Variants in GDF11 observed in about 807,000 individuals in gnomAD.
GDF11 encodes growth/differentiation factor 11.
A neutral mutation model predicts 34.4 loss-of-function variants in GDF11; 12 were observed. The ratio of observed to expected loss-of-function variants is 0.35; its 90% CI spans 0.22 to 0.57. The LOEUF (loss-of-function observed/expected upper bound fraction) is 0.57. Among genes scored for constraint, GDF11 ranks in the 20% least tolerant of loss-of-function variants. The probability of loss-of-function intolerance (pLI) is 0.86; values close to 1 mark genes in which losing one functional copy is unlikely to be tolerated. For synonymous variants in GDF11, 212 were observed against 231.1 expected, an observed-to-expected ratio of 0.92 and a Z score of 0.75; for missense variants, 346 against 548.2, an observed-to-expected ratio of 0.63 and a Z score of 3.68.
rs1177152691 is a variant in GDF11 at position 55,754,652 on chromosome 12, C to T, written c.*4770C>T. On this transcript the variant is annotated 3_prime_UTR_variant, in exon 3 of 3. Coordinates refer to ENST00000257868, the MANE Select transcript of GDF11 (RefSeq NM_005811.5). Reference sequence around the variant, plus strand: ...ACTCAGGGAAAGAAATATGTATTTCCACAGTACCCTGATCACCCAGTAAAA... The same window carrying T: ...ACTCAGGGAAAGAAATATGTATTTCTACAGTACCCTGATCACCCAGTAAAA... 6.6e-6 allele frequency: 1 copy of T among 152,206 alleles called. No individual in the cohort carries two copies. Among genetic ancestry groups the T allele is most frequent in the Non-Finnish European group, 1.5e-5 (1 of 68,044 alleles). 9.4% of individuals were successfully genotyped at this position (152,206 alleles called of 1,614,324 possible). A position where few individuals can be genotyped will look rare whatever the true frequency, so the allele number is the denominator to read the frequency against.
Position 55,751,945 on chromosome 12 carries a change from G to A in GDF11, c.*2063G>A, listed in dbSNP as rs1203051266. ...GGTATGTGACCACCCTTGAGAAGGT[G>A]ATGTTGGTGAGCTTTAACATCTTAT... On this transcript the variant is annotated 3_prime_UTR_variant, in exon 3 of 3. Transcript: ENST00000257868. The A allele has an allele frequency of 6.6e-6, 1 of 152,238 alleles. No individual in the cohort carries two copies. Among genetic ancestry groups the A allele is most frequent in the Non-Finnish European group, 1.5e-5 (1 of 68,052 alleles). 9.4% of individuals were successfully genotyped at this position (152,238 alleles called of 1,614,324 possible).
Position 55,755,787 on chromosome 12 carries a change from A to G in GDF11, c.*5905A>G, listed in dbSNP as rs1446040329. 1 of 126,554 alleles carries G rather than the reference A, an allele frequency of 7.9e-6. No homozygotes were observed. The highest frequency in any genetic ancestry group is 2.0e-4 in the East Asian group (1 of 5,066). 7.8% of individuals were successfully genotyped at this position (126,554 alleles called of 1,614,324 possible). A position where few individuals can be genotyped will look rare whatever the true frequency, so the allele number is the denominator to read the frequency against. On this transcript the variant is annotated 3_prime_UTR_variant, in exon 3 of 3. Coordinates refer to ENST00000257868, the MANE Select transcript of GDF11 (RefSeq NM_005811.5). Reference sequence around the variant, plus strand: ...TGCTGAAATGGGATGAAAGAGGTTAATAAGAAAAAAAAAAAAATCCTCACA... The same window carrying G: ...TGCTGAAATGGGATGAAAGAGGTTAGTAAGAAAAAAAAAAAAATCCTCACA...
intron 1 of GDF11, among the ~76,000 whole-genome samples, chr12:55,744,435 C>G (rs1592542577): frequency 6.6e-6 from 1 of 152,164 alleles, no homozygotes; most frequent in South Asian, 2.1e-4. Context: ...TCATTGGCTA[C>G]TCAAACCTTA....
chr12:55,745,086 A>G (rs1878152278), intron 1 of GDF11, among the ~76,000 whole-genome samples: 1 of 152,036 alleles, frequency 6.6e-6, no homozygotes, highest in Admixed American at 6.5e-5. Context: ...TTTCCCTTCT[A>G]TTCTTAAGCC....
Position 55,749,558 on chromosome 12 carries a change from G to T in GDF11, c.900G>T (p.Leu300=). The T allele has an allele frequency of 6.2e-7, 1 of 1,613,774 alleles. No homozygotes were observed. Among genetic ancestry groups the T allele is most frequent in the South Asian group, 1.1e-5 (1 of 91,074 alleles). ...ACACAAAACGTTCCCGGCGGAACCT[G>T]GGTCTGGACTGCGACGAGCACTCAA... ...LENTKRSRRN[L]GLDCDEHSSE... is the part of the protein sequence containing the mutation. Residue 300 remains leucine (L), a synonymous_variant, in exon 3 of 3, where the codon CTG becomes CTT. Transcript: ENST00000257868. This position sits in a 1 kb window ranked among gnomAD's most constrained non-coding sequence, Gnocchi z 5.6.
chr12:55,747,427 C>T (rs1252821237), intron 1 of GDF11, among the ~76,000 whole-genome samples: 4 of 152,184 alleles, frequency 2.6e-5, no homozygotes, highest in Non-Finnish European at 5.9e-5. Context: ...ACCCTAAGTC[C>T]ATCCTGATTT....
At position 55,743,249 on chromosome 12, in the gene GDF11, C is replaced by A; in HGVS notation, c.-68C>A. 2.1e-6 allele frequency: 1 copy of A among 476,968 alleles called. No homozygotes were observed. The highest frequency in any genetic ancestry group is 2.7e-6 in the Non-Finnish European group (1 of 368,314). 29.5% of individuals were successfully genotyped at this position (476,968 alleles called of 1,614,324 possible). A position where few individuals can be genotyped will look rare whatever the true frequency, so the allele number is the denominator to read the frequency against. On this transcript the variant is annotated 5_prime_UTR_variant, in exon 1 of 3. Coordinates refer to ENST00000257868, the MANE Select transcript of GDF11 (RefSeq NM_005811.5). ...GACCCCCTCCTCCTCCCTCCCTCCT[C>A]CCTCCGCCCCCTCCCCGCGGGACTC...
chr12:55,753,838 T>G lies in GDF11; in HGVS notation c.*3956T>G, dbSNP rs1487122026. 1.3e-5 allele frequency: 2 copies of G among 150,658 alleles called. No homozygotes were observed. Among genetic ancestry groups the G allele is most frequent in the Non-Finnish European group, 2.9e-5 (2 of 67,920 alleles). 9.3% of individuals were successfully genotyped at this position (150,658 alleles called of 1,614,324 possible). ...GGTGTGCTCCTGTAGTTCCAGCTAT[T>G]CAGGAGGCTGTGGCAGGAGGACCAC... On this transcript the variant is annotated 3_prime_UTR_variant, in exon 3 of 3. Coordinates refer to ENST00000257868, the MANE Select transcript of GDF11 (RefSeq NM_005811.5).
At chr12:55,745,375 A>T (rs941300096) in intron 1 of GDF11, among the ~76,000 whole-genome samples, 2 of 152,048 alleles carry the variant, frequency 1.3e-5, no homozygotes, top group African/African-American at 4.8e-5. Context: ...TAATGGGGAT[A>T]CACGAAGTGA....
chr12:55,747,479 C>G (rs567418992), intron 1 of GDF11, among the ~76,000 whole-genome samples: 2 of 152,306 alleles, frequency 1.3e-5, no homozygotes, highest in Admixed American at 1.3e-4. Flanking sequence ...AAGGCCTAGA[C>G]TTCCTAACCC....
rs1878230763 is a variant in GDF11, at chr12:55,748,502, G to A, written c.446-84G>A. ...AAGAACTGGAAAATCAGGCTGAGAA[G>A]TCCAAAATTGCCAGTGCCACCCAGG... On this transcript the variant is annotated intron_variant, in intron 1 of 2. Transcript: ENST00000257868. This position sits in a 1 kb window ranked among gnomAD's most constrained non-coding sequence, Gnocchi z 5.6. The A allele has an allele frequency of 6.2e-6, 8 of 1,286,574 alleles. No individual in the cohort carries two copies. The highest frequency in any genetic ancestry group is 8.6e-6 in the Non-Finnish European group (8 of 931,458). 79.7% of individuals were successfully genotyped at this position (1,286,574 alleles called of 1,614,324 possible). A position where few individuals can be genotyped will look rare whatever the true frequency, so the allele number is the denominator to read the frequency against.
At chr12:55,744,698 G>A (rs895305073) in intron 1 of GDF11, among the ~76,000 whole-genome samples, 3 of 148,284 alleles carry the variant, frequency 2.0e-5, no homozygotes, top group Non-Finnish European at 4.5e-5. Flanking sequence ...CCCCCACTGA[G>A]GTCTCCCCCC....
intron 1 of GDF11, among the ~76,000 whole-genome samples, chr12:55,746,527 TCTCC>T (rs1025762582): frequency 6.6e-6 from 1 of 152,206 alleles, no homozygotes; most frequent in African/African-American, 2.4e-5. Context: ...CTCTTTTCTT[TCTCC>T]CTATGTTCTA....
At position 55,749,045 on chromosome 12, in the gene GDF11, T is replaced by C. The variant is rs560416782; in HGVS notation, c.843+62T>C. On this transcript the variant is annotated intron_variant, in intron 2 of 2. Coordinates refer to ENST00000257868, the MANE Select transcript of GDF11 (RefSeq NM_005811.5). This position sits in a 1 kb window ranked among gnomAD's most constrained non-coding sequence, Gnocchi z 5.6. ...CTGGCCCTGAGGAGATAGGGTTACA[T>C]TGGAAAAGGTAGACAAGGAATGTGA... The C allele has an allele frequency of 4.1e-6, 6 of 1,450,230 alleles. No individual in the cohort carries two copies. In the South Asian group the frequency reaches 5.4e-5, roughly 13 times the overall value. 89.8% of individuals were successfully genotyped at this position (1,450,230 alleles called of 1,614,324 possible). A position where few individuals can be genotyped will look rare whatever the true frequency, so the allele number is the denominator to read the frequency against.
chr12:55,743,800 T>C, intron 1 of GDF11, 39 bp downstream of exon 1: 2 of 1,452,742 alleles, frequency 1.4e-6, no homozygotes, highest in Non-Finnish European at 9.2e-7. Flanking sequence ...GGGTGCTGGC[T>C]CTGGCCCCGC....
rs1878311876 is a variant in GDF11, at chr12:55,751,229, T to G, written c.*1347T>G. 1 of 152,248 alleles carries G rather than the reference T, an allele frequency of 6.6e-6. No individual in the cohort carries two copies. The highest frequency in any genetic ancestry group is 1.5e-5 in the Non-Finnish European group (1 of 68,138). 9.4% of individuals were successfully genotyped at this position (152,248 alleles called of 1,614,324 possible). Reference sequence around the variant, plus strand: ...TCCTTTTATTTTTGGAATCTAACAGTACCTGGCAGCAGGGAGGGGAAAGTA... The same window carrying G: ...TCCTTTTATTTTTGGAATCTAACAGGACCTGGCAGCAGGGAGGGGAAAGTA... On this transcript the variant is annotated 3_prime_UTR_variant, in exon 3 of 3. Coordinates refer to ENST00000257868, the MANE Select transcript of GDF11 (RefSeq NM_005811.5).
rs1390176133 is a variant in GDF11, at chr12:55,749,075, G to A, written c.843+92G>A. On this transcript the variant is annotated intron_variant, in intron 2 of 2. Coordinates refer to ENST00000257868, the MANE Select transcript of GDF11 (RefSeq NM_005811.5). The surrounding 1 kb of genome is among the most constrained non-coding windows in gnomAD (Gnocchi z 5.6). Reference sequence around the variant, plus strand: ...AAAGGTAGACAAGGAATGTGAAGGAGGTTGGGGACCAGCATTACTTCTCTG... The same window carrying A: ...AAAGGTAGACAAGGAATGTGAAGGAAGTTGGGGACCAGCATTACTTCTCTG... The A allele has an allele frequency of 1.5e-6, 2 of 1,307,782 alleles. No homozygotes were observed. Among genetic ancestry groups the A allele is most frequent in the African/African-American group, 2.9e-5 (2 of 67,844 alleles). 81.0% of individuals were successfully genotyped at this position (1,307,782 alleles called of 1,614,324 possible). A position where few individuals can be genotyped will look rare whatever the true frequency, so the allele number is the denominator to read the frequency against.
chr12:55,746,977 A>G (rs1485052190), intron 1 of GDF11, among the ~76,000 whole-genome samples: 1 of 152,244 alleles, frequency 6.6e-6, no homozygotes, highest in East Asian at 1.9e-4. Context: ...AGTGCTGTCT[A>G]GCACTATGGG....
Position 55,754,593 on chromosome 12 carries a change from T to A in GDF11, c.*4711T>A, listed in dbSNP as rs1225740496. 1 of 152,208 alleles carries A rather than the reference T, an allele frequency of 6.6e-6. No individual in the cohort carries two copies. The allele number at this position is 152,208 out of a possible 1,614,324, so 9.4% of individuals were successfully genotyped here. A position where few individuals can be genotyped will look rare whatever the true frequency, so the allele number is the denominator to read the frequency against. ...CTGGGTGTATGCACACACAAACATG[T>A]TCAAACTAGGGCACTCATACCTAGC... On this transcript the variant is annotated 3_prime_UTR_variant, in exon 3 of 3. Coordinates refer to ENST00000257868, the MANE Select transcript of GDF11 (RefSeq NM_005811.5).
Sources: allele counts gnomAD v4.1 joint callset (sites outside exome capture counted in the v4.1 genomes callset), GRCh38; gene constraint gnomAD v4.1.1; non-coding constraint Gnocchi (gnomAD v3.1); transcripts MANE v1.5; gene names NCBI Gene and HGNC (gene_info 2026-07-23, HGNC 2026-07-21).